SLC38A11: variants seen among roughly 807,000 people sequenced by gnomAD.
The protein encoded by SLC38A11 is putative sodium-coupled neutral amino acid transporter 11.
Under a neutral mutation model 49.4 loss-of-function variants are expected in SLC38A11, and 51 were observed. That is an observed-to-expected ratio of 1.03 (90% CI 0.83 to 1.30). SLC38A11 has a LOEUF of 1.30. Among genes scored for constraint, SLC38A11 ranks in the 50% most tolerant of loss-of-function variants. SLC38A11 has a pLI of 0.00. For missense variants in SLC38A11, 574 were observed against 556.2 expected (o/e 1.03, Z -0.32); for synonymous variants, 203 against 192.9 (o/e 1.05, Z -0.43).
At chr2:164,932,652 CAT>C in intron 7 of SLC38A11, among the ~76,000 whole-genome samples, 1 of 152,206 alleles carries the variant, frequency 6.6e-6, no homozygotes, top group Non-Finnish European at 1.5e-5. Flanking sequence ...GTAAAGAACA[CAT>C]ATTCTCATTT....
At chr2:164,938,075 G>C (rs966625823) in intron 6 of SLC38A11, among the ~76,000 whole-genome samples, 1 of 151,862 alleles carries the variant, frequency 6.6e-6, no homozygotes, top group Non-Finnish European at 1.5e-5. Context: ...ATTATGCTAG[G>C]TTTGTGTGCC....
Position 164,947,117 on chromosome 2 carries a change from C to CTTTTTT in SLC38A11, c.230-1396_230-1391dup, listed in dbSNP as rs200284770. ...CCTGGATTCTTGGACTTTTTTATCTCTTTTTTTTTTTTTTTTTTTTTTTTT... is the reference window on the plus strand; with the variant it reads ...CCTGGATTCTTGGACTTTTTTATCTCTTTTTTTTTTTTTTTTTTTTTTTTTTTTTTT... On this transcript the variant is annotated intron_variant, in intron 3 of 11. Coordinates refer to ENST00000685975, the MANE Select transcript of SLC38A11 (RefSeq NM_001351537.2). 3.2e-3 allele frequency among the ~76,000 whole-genome samples: 231 copies of CTTTTTT among 72,854 alleles called. 28 individuals are homozygous for CTTTTTT. Among genetic ancestry groups the CTTTTTT allele is most frequent in the African/African-American group, 9.6e-3 (125 of 12,964 alleles). 47.8% of individuals were successfully genotyped at this position (72,854 alleles called of 152,430 possible). A position where few individuals can be genotyped will look rare whatever the true frequency, so the allele number is the denominator to read the frequency against.
At chr2:164,952,339 G>T (rs1015995036) in intron 3 of SLC38A11, among the ~76,000 whole-genome samples, 2 of 152,110 alleles carry the variant, frequency 1.3e-5, no homozygotes, top group African/African-American at 2.4e-5. Flanking sequence ...GAATAAGGTT[G>T]CTCATTCACA....
intron 5 of SLC38A11, among the ~76,000 whole-genome samples, chr2:164,943,827 CT>C (rs1687937783): frequency 6.6e-6 from 1 of 151,942 alleles, no homozygotes. Flanking sequence ...GACTATATGC[CT>C]TTGTCAAAAC....
intron 11 of SLC38A11, among the ~76,000 whole-genome samples, chr2:164,904,451 A>G (rs1046590749): frequency 2.6e-5 from 4 of 152,198 alleles, no homozygotes; most frequent in Non-Finnish European, 4.4e-5. Context: ...TTTTAATTCA[A>G]TAACTATTAC....
intron 9 of SLC38A11, chr2:164,912,468 G>A (rs1475995855): frequency 1.3e-5 from 2 of 152,036 alleles, no homozygotes; most frequent in African/African-American, 4.8e-5. Flanking sequence ...TTTTAAAAAT[G>A]TCTGTTAAAA....
chr2:164,921,004 G>A (rs546775590), intron 7 of SLC38A11, among the ~76,000 whole-genome samples: 1 of 151,982 alleles, frequency 6.6e-6, no homozygotes, highest in Admixed American at 6.5e-5. Context: ...GAAATCAAGT[G>A]GTAATTGTAG....
intron 7 of SLC38A11, among the ~76,000 whole-genome samples, chr2:164,932,002 G>A (rs56211480): frequency 0.069 from 10,508 of 152,226 alleles, 401 homozygotes; most frequent in Admixed American, 0.1. Context: ...CAGAATAGGA[G>A]TAAATTTCTG....
At chr2:164,945,841 T>G (rs936786846) in intron 3 of SLC38A11, 114 bp from the exon 4 acceptor site, 1 of 1,160,572 alleles carries the variant, frequency 8.6e-7, no homozygotes, top group Non-Finnish European at 1.2e-6. Flanking sequence ...TTTAATTTAA[T>G]GCTGCAGTAT....
rs181285161 is a variant in SLC38A11 at position 164,943,266 on chromosome 2, G to A, written c.430+1303C>T. On this transcript the variant is annotated intron_variant, in intron 5 of 11. Transcript: ENST00000685975. ...AAGTTGAACAGGGAGTGGAGTTGTA[G>A]CAATATGTTGAAAAGGTCTGCTAGA... Among the ~76,000 whole-genome samples, 378 of 152,296 alleles carry A rather than the reference G, an allele frequency of 2.5e-3. 2 individuals carry two copies. The highest frequency in any genetic ancestry group is 9.0e-3 in the African/African-American group (373 of 41,556).
intron 8 of SLC38A11, 146 bp from the exon 9 acceptor site, chr2:164,915,419 T>C: frequency 3.0e-6 from 2 of 675,812 alleles, no homozygotes; most frequent in South Asian, 4.8e-5. Context: ...AAAATAATTT[T>C]TCTAATAGTT....
intron 7 of SLC38A11, among the ~76,000 whole-genome samples, chr2:164,936,085 T>G (rs1687353201): frequency 6.6e-6 from 1 of 152,208 alleles, no homozygotes; most frequent in Non-Finnish European, 1.5e-5. Flanking sequence ...TTTTTTGTTA[T>G]GACATTCTGA....
intron 5 of SLC38A11, among the ~76,000 whole-genome samples, chr2:164,943,583 G>C (rs1307536355): frequency 1.3e-5 from 2 of 152,218 alleles, no homozygotes; most frequent in Non-Finnish European, 2.9e-5. Context: ...GAGGTTGGAA[G>C]AGGGAGCTGG....
At chr2:164,908,582 A>G in intron 11 of SLC38A11, 58 bp downstream of exon 11, 1 of 1,413,516 alleles carries the variant, frequency 7.1e-7, no homozygotes, top group Non-Finnish European at 9.4e-7. Flanking sequence ...GTTAAATGTA[A>G]TCATTATCTT....
At position 164,937,446 on chromosome 2, in the gene SLC38A11, A is replaced by G. The variant is rs773509047; in HGVS notation, c.538-17T>C. ...GAGGGAGACCTGTAAAAGAAAATAC[A>G]AGGATATTGCCGGTTTAGGACAGAA... On this transcript the variant is annotated splice_polypyrimidine_tract_variant and intron_variant, in intron 6 of 11. Coordinates refer to ENST00000685975, the MANE Select transcript of SLC38A11 (RefSeq NM_001351537.2). 6.8e-7 allele frequency: 1 copy of G among 1,480,926 alleles called. No individual in the cohort carries two copies. Among genetic ancestry groups the G allele is most frequent in the Admixed American group, 1.7e-5 (1 of 59,238 alleles). The allele number at this position is 1,480,926 out of a possible 1,614,324, so 91.7% of individuals were successfully genotyped here.
At chr2:164,929,567 G>A (rs1023263122) in intron 7 of SLC38A11, among the ~76,000 whole-genome samples, 6 of 152,092 alleles carry the variant, frequency 3.9e-5, no homozygotes, top group African/African-American at 1.2e-4. Context: ...AGGGAGAAAA[G>A]CTTTCAGAAA....
chr2:164,948,470 G>A (rs1210891023), intron 3 of SLC38A11, among the ~76,000 whole-genome samples: 1 of 152,158 alleles, frequency 6.6e-6, no homozygotes, highest in Admixed American at 6.5e-5. Flanking sequence ...AGGCATGAAG[G>A]TTAAGTAAAT....
Position 164,937,436 on chromosome 2 carries a change from A to C in SLC38A11, c.538-7T>G. On this transcript the variant is annotated splice_region_variant and splice_polypyrimidine_tract_variant and intron_variant, in intron 6 of 11. Transcript: ENST00000685975. Reference sequence around the variant, plus strand: ...CTGTAGAGATGAGGGAGACCTGTAAAAGAAAATACAAGGATATTGCCGGTT... The same window carrying C: ...CTGTAGAGATGAGGGAGACCTGTAACAGAAAATACAAGGATATTGCCGGTT... The C allele has an allele frequency of 6.5e-7, 1 of 1,542,250 alleles. No individual in the cohort carries two copies. The highest frequency in any genetic ancestry group is 9.0e-7 in the Non-Finnish European group (1 of 1,116,712).
chr2:164,933,245 GT>G (rs11452076), intron 7 of SLC38A11, among the ~76,000 whole-genome samples: 10,534 of 150,974 alleles, frequency 0.07, 404 homozygotes, highest in Admixed American at 0.1. Context: ...TAAATGAAGG[GT>G]TTTTTTTTAA....
Sources: allele counts gnomAD v4.1 joint callset (sites outside exome capture counted in the v4.1 genomes callset), GRCh38; gene constraint gnomAD v4.1.1; transcripts MANE v1.5; gene names NCBI Gene and HGNC (gene_info 2026-07-23, HGNC 2026-07-21).